HP1BP3: variants seen among roughly 807,000 people sequenced by gnomAD.
The protein encoded by HP1BP3 is heterochromatin protein 1 binding protein 3, also known as heterochromatin protein 1-binding protein 3.
Under a neutral mutation model 62.5 loss-of-function variants are expected in HP1BP3, and 12 were observed. That is an observed-to-expected ratio of 0.19 (90% CI 0.12 to 0.31). The LOEUF (loss-of-function observed/expected upper bound fraction) is 0.31. Among genes scored for constraint, HP1BP3 ranks in the 10% least tolerant of loss-of-function variants. The probability of loss-of-function intolerance (pLI) is 1.00; values close to 1 mark genes in which losing one functional copy is unlikely to be tolerated. For synonymous variants in HP1BP3, 260 were observed against 237.8 expected, an observed-to-expected ratio of 1.09 and a Z score of -0.86; for missense variants, 502 against 651.8, an observed-to-expected ratio of 0.77 and a Z score of 2.50.
intron 10 of HP1BP3, among the ~76,000 whole-genome samples, chr1:20,748,438 T>C (rs1334759206): frequency 6.6e-6 from 1 of 152,192 alleles, no homozygotes; most frequent in African/African-American, 2.4e-5. Flanking sequence ...ATTCATCTTC[T>C]CTTAAAACAT....
Position 20,779,834 on chromosome 1 carries a change from A to G in HP1BP3, c.174T>C (p.Ala58=). 2 of 1,612,574 alleles carry G rather than the reference A, an allele frequency of 1.2e-6. No homozygotes were observed. The highest frequency in any genetic ancestry group is 1.7e-6 in the Non-Finnish European group (2 of 1,179,404). The change falls in exon 3 of 13, where the codon GCT becomes GCC. Residue 58 remains alanine (A), a synonymous_variant. Transcript: ENST00000438032. The part of the protein sequence containing the change: ...TRETPPKSKL[A]EGEEEKPEPD... ...TACCTGGCTTTTCTTCCTCCCCTTC[A>G]GCAAGCTTGCTTTTGGGAGGAGTTT...
intron 9 of HP1BP3, among the ~76,000 whole-genome samples, chr1:20,756,422 G>C (rs1350947591): frequency 6.6e-6 from 1 of 151,884 alleles, no homozygotes; most frequent in African/African-American, 2.4e-5. Context: ...AAAAATTGGG[G>C]AAGACGGATT....
intron 8 of HP1BP3, among the ~76,000 whole-genome samples, chr1:20,761,634 G>A (rs2056488374): frequency 6.6e-6 from 1 of 152,120 alleles, no homozygotes; most frequent in African/African-American, 2.4e-5. Context: ...GGAGGTATGG[G>A]CTAGATTCAT....
chr1:20,747,435 C>T (rs1161572516), intron 11 of HP1BP3, 109 bp downstream of exon 11: 11 of 704,696 alleles, frequency 1.6e-5, no homozygotes, highest in South Asian at 3.9e-5. Flanking sequence ...TAACAAAGGA[C>T]GACTGTATTT....
At chr1:20,750,743 C>T (rs2055683627) in intron 9 of HP1BP3, among the ~76,000 whole-genome samples, 1 of 151,570 alleles carries the variant, frequency 6.6e-6, no homozygotes, top group Admixed American at 6.6e-5. Context: ...GCCTACTCAA[C>T]TCAAAGATGA....
At chr1:20,771,208 C>A in intron 5 of HP1BP3, 135 bp from the exon 6 acceptor site, 1 of 666,084 alleles carries the variant, frequency 1.5e-6, no homozygotes, top group Middle Eastern at 2.8e-4. Context: ...CTTCAGAAGA[C>A]TTCAGTTCAT....
At chr1:20,766,934 TTCTA>T in intron 7 of HP1BP3, among the ~76,000 whole-genome samples, 1 of 151,362 alleles carries the variant, frequency 6.6e-6, no homozygotes, top group South Asian at 2.1e-4. Context: ...TAGAGCAAGA[TTCTA>T]TCTTAGAAAA....
intron 9 of HP1BP3, among the ~76,000 whole-genome samples, chr1:20,755,965 C>G (rs1289378481): frequency 6.6e-6 from 1 of 152,148 alleles, no homozygotes; most frequent in African/African-American, 2.4e-5. Flanking sequence ...AGAGACAGAA[C>G]AGACTAGAGG....
chr1:20,777,268 G>A (rs112224845), intron 3 of HP1BP3, among the ~76,000 whole-genome samples: 1 of 148,962 alleles, frequency 6.7e-6, no homozygotes, highest in Non-Finnish European at 1.5e-5. Flanking sequence ...AGGGACTTCA[G>A]AGAACTCCAA....
Position 20,767,647 on chromosome 1 carries a change from A to G in HP1BP3, c.672T>C (p.Ala224=), listed in dbSNP as rs1224373630. The G allele has an allele frequency of 8.7e-6, 14 of 1,608,456 alleles. No homozygotes were observed. Among genetic ancestry groups the G allele is most frequent in the Non-Finnish European group, 1.2e-5 (14 of 1,177,220 alleles). ...TCTGAACCACAACAAAACTTCCAGAAGCACCTTTTCCTTTAACCTAAAGTA... is the reference window on the plus strand; with the variant it reads ...TCTGAACCACAACAAAACTTCCAGAGGCACCTTTTCCTTTAACCTAAAGTA... The part of the protein sequence containing the change: ...GVIKQVKGKG[A]SGSFVVVQKS... The change falls in exon 7 of 13, where the codon GCT becomes GCC. Residue 224 remains alanine, a synonymous_variant. Transcript: ENST00000438032.
intron 8 of HP1BP3, among the ~76,000 whole-genome samples, chr1:20,764,410 C>G (rs1203507407): frequency 6.6e-6 from 1 of 151,648 alleles, no homozygotes; most frequent in Non-Finnish European, 1.5e-5. Context: ...ATGGCGCAAT[C>G]TCGGCTCACT....
intron 7 of HP1BP3, among the ~76,000 whole-genome samples, chr1:20,766,286 C>T (rs781244828): frequency 3.3e-5 from 5 of 151,922 alleles, no homozygotes; most frequent in Non-Finnish European, 7.4e-5. Context: ...AGCGAAACTC[C>T]GTCTCAAAAC....
chr1:20,748,781 C>G (rs915451832), intron 10 of HP1BP3, among the ~76,000 whole-genome samples: 1 of 151,766 alleles, frequency 6.6e-6, no homozygotes, highest in Non-Finnish European at 1.5e-5. Flanking sequence ...AAAAAGACTT[C>G]AAAATTACCT....
chr1:20,765,547 C>A lies in HP1BP3; in HGVS notation c.736-16G>T, dbSNP rs761769675. ...AGCTCCTATTCTGAAAAGTAATTAT[C>A]AAAAATTATGATCATTATAGAACGT... On this transcript the variant is annotated splice_polypyrimidine_tract_variant and intron_variant, in intron 7 of 12. Coordinates refer to ENST00000438032, the MANE Select transcript of HP1BP3 (RefSeq NM_001372052.1). 1.9e-6 allele frequency: 3 copies of A among 1,599,532 alleles called. No homozygotes were observed. The highest frequency in any genetic ancestry group is 2.2e-5 in the South Asian group (2 of 89,388).
chr1:20,776,042 A>G, intron 4 of HP1BP3: 6 of 1,475,612 alleles, frequency 4.1e-6, no homozygotes, highest in Non-Finnish European at 5.4e-6. Flanking sequence ...AAAATTAAAA[A>G]GTAACTGCCA....
Position 20,742,565 on chromosome 1 carries a change from GAAA to G in HP1BP3, c.*2229_*2231del, listed in dbSNP as rs2055111963. On this transcript the variant is annotated 3_prime_UTR_variant, in exon 13 of 13. Coordinates refer to ENST00000438032, the MANE Select transcript of HP1BP3 (RefSeq NM_001372052.1). ...TGAACTGGAGCTTGTATTTAAAAAG[GAAA>G]ATGATGGTGTTCATTTCAAGGAGTA... 6.6e-6 allele frequency: 1 copy of G among 152,554 alleles called. No individual in the cohort carries two copies. The highest frequency in any genetic ancestry group is 1.5e-5 in the Non-Finnish European group (1 of 68,026). 9.5% of individuals were successfully genotyped at this position (152,554 alleles called of 1,614,324 possible). A position where few individuals can be genotyped will look rare whatever the true frequency, so the allele number is the denominator to read the frequency against.
At position 20,776,730 on chromosome 1, in the gene HP1BP3, C is replaced by T. The variant is rs762494745; in HGVS notation, c.217G>A (p.Glu73Lys). ...EKPEPDISSE[E>K]SVSTVEEQEN... ...TGTTCTTCTACAGTGGAGACAGATTCCTCTGAACTTATGTCTGGTTCTAAA... is the reference window on the plus strand; with the variant it reads ...TGTTCTTCTACAGTGGAGACAGATTTCTCTGAACTTATGTCTGGTTCTAAA... Residue 73 changes from glutamate to lysine, a missense_variant, in exon 4 of 13, where the codon GAA (glutamate) becomes AAA (lysine). Transcript: ENST00000438032. 1 of 1,611,670 alleles carries T rather than the reference C, an allele frequency of 6.2e-7. No individual in the cohort carries two copies. Among genetic ancestry groups the T allele is most frequent in the Non-Finnish European group, 8.5e-7 (1 of 1,179,060 alleles).
At position 20,740,796 on chromosome 1, in the gene HP1BP3, T is replaced by G. The variant is rs1038563382; in HGVS notation, c.*4001A>C. On this transcript the variant is annotated 3_prime_UTR_variant, in exon 13 of 13. Transcript: ENST00000438032. ...TCACACCACTGCGCTGCAGCCTTAG[T>G]GACACAGCAAACTCCATCTCAAAAA... 6.6e-6 allele frequency among the ~76,000 whole-genome samples: 1 copy of G among 152,224 alleles called. No individual in the cohort carries two copies. Among genetic ancestry groups the G allele is most frequent in the Admixed American group, 6.5e-5 (1 of 15,286 alleles).
At chr1:20,745,133 GA>G (rs750327091) in intron 12 of HP1BP3, 42 bp from the exon 13 acceptor site, 5 of 1,548,452 alleles carry the variant, frequency 3.2e-6, no homozygotes, top group African/African-American at 1.4e-5. Flanking sequence ...TAGTACTTAA[GA>G]GATTCGTTTT....
Sources: allele counts gnomAD v4.1 joint callset (sites outside exome capture counted in the v4.1 genomes callset), GRCh38; gene constraint gnomAD v4.1.1; transcripts MANE v1.5; gene names NCBI Gene and HGNC (gene_info 2026-07-23, HGNC 2026-07-21).